WDR12: variants seen among roughly 807,000 people sequenced by gnomAD.
WDR12 encodes the protein ribosome biogenesis protein WDR12.
In WDR12, 42 loss-of-function variants were observed where a neutral mutation model predicts 64.3. The ratio of observed to expected loss-of-function variants is 0.65; its 90% CI spans 0.51 to 0.84. The LOEUF is 0.84. Among genes scored for constraint, WDR12 ranks in the 40% least tolerant of loss-of-function variants. WDR12 has a pLI of 0.00. For missense variants in WDR12, 469 were observed against 494.6 expected, an observed-to-expected ratio of 0.95 and a Z score of 0.49; for synonymous variants, 158 against 173.3, an observed-to-expected ratio of 0.91 and a Z score of 0.70.
At chr2:202,882,339 G>T (rs1479280417) in intron 12 of WDR12, among the ~76,000 whole-genome samples, 1 of 147,962 alleles carries the variant, frequency 6.8e-6, no homozygotes, top group East Asian at 2.0e-4. Context: ...ACTAATAAAT[G>T]TTTTTTTTTT....
In WDR12 at chr2:202,877,776, A is replaced by T. The variant is rs1186205760; in HGVS notation, c.*3084T>A. The T allele has an allele frequency of 6.6e-6, 1 of 152,246 alleles. No homozygotes were observed. The highest frequency in any genetic ancestry group is 1.5e-5 in the Non-Finnish European group (1 of 68,064). 9.4% of individuals were successfully genotyped at this position (152,246 alleles called of 1,614,324 possible). A position where few individuals can be genotyped will look rare whatever the true frequency, so the allele number is the denominator to read the frequency against. On this transcript the variant is annotated 3_prime_UTR_variant, in exon 13 of 13. Transcript: ENST00000261015. ...TAGTACCGGTCAGCAGGTTCTGAGC[A>T]CTGCATTGTCAGGTTCCTAGCTTTT...
intron 6 of WDR12, among the ~76,000 whole-genome samples, chr2:202,895,517 C>CTTTTTTTTTT (rs901435872): frequency 7.2e-5 from 8 of 111,526 alleles, no homozygotes; most frequent in East Asian, 2.5e-4. Flanking sequence ...TCATTTCTTT[C>CTTTTTTTTTT]TTTTTTTTTT....
In WDR12 at chr2:202,897,521, C is replaced by CT. The variant is rs892080061; in HGVS notation, c.339-107dup. On this transcript the variant is annotated intron_variant, in intron 4 of 12. Coordinates refer to ENST00000261015, the MANE Select transcript of WDR12 (RefSeq NM_018256.4). ...ACTTTGAGGATTATACTTTTAAACT[C>CT]TTTTTTGATATGAAGATTGAGATTT... 352 of 534,830 alleles carry CT rather than the reference C, an allele frequency of 6.6e-4. 1 individual carries two copies. The highest frequency in any genetic ancestry group is 1.2e-3 in the Middle Eastern group (3 of 2,584). 33.1% of individuals were successfully genotyped at this position (534,830 alleles called of 1,614,324 possible).
At chr2:202,906,661 C>G (rs538723863) in intron 2 of WDR12, among the ~76,000 whole-genome samples, 1 of 152,038 alleles carries the variant, frequency 6.6e-6, no homozygotes, top group Non-Finnish European at 1.5e-5. Flanking sequence ...GTCAGGAGTT[C>G]GAGACCAGCC....
Position 202,905,736 on chromosome 2 carries a change from G to C in WDR12, c.136+2129C>G, listed in dbSNP as rs374365943. On this transcript the variant is annotated intron_variant, in intron 2 of 12. Coordinates refer to ENST00000261015, the MANE Select transcript of WDR12 (RefSeq NM_018256.4). ...ATTTACAACAACATGGGTAGAATTG[G>C]AGGTCATTATGTTCAGTGAAATAAG... Among the ~76,000 whole-genome samples, 58 of 152,292 alleles carry C rather than the reference G, an allele frequency of 3.8e-4. 1 individual carries two copies. The South Asian group carries it at 7.5e-3, about 20-fold the overall frequency.
Position 202,882,723 on chromosome 2 carries a change from C to T in WDR12, c.1182G>A (p.Trp394Ter). The T allele has an allele frequency of 6.2e-7, 1 of 1,613,928 alleles. No homozygotes were observed. Among genetic ancestry groups the T allele is most frequent in the Non-Finnish European group, 8.5e-7 (1 of 1,179,828 alleles). The change falls in exon 12 of 13, where the codon TGG (tryptophan) becomes TGA (stop). Residue 394 changes from tryptophan (W) to a stop codon, truncating the protein, a stop_gained. Transcript: ENST00000261015. LOFTEE classifies it high-confidence loss of function. ...AATAAATTCTTACCCCTGTGTCTGT[C>T]CAGTCTACACTCAGAACTTTGTCTT... ...AHEDKVLSVD[W>*]TDTGLLLSGG...
chr2:202,877,125 T>G lies in WDR12; in HGVS notation c.*3735A>C, dbSNP rs1045554511. 2.0e-5 allele frequency: 3 copies of G among 148,536 alleles called. No individual in the cohort carries two copies. Among genetic ancestry groups the G allele is most frequent in the South Asian group, 2.1e-4 (1 of 4,720 alleles). 9.2% of individuals were successfully genotyped at this position (148,536 alleles called of 1,614,324 possible). On this transcript the variant is annotated 3_prime_UTR_variant, in exon 13 of 13. Coordinates refer to ENST00000261015, the MANE Select transcript of WDR12 (RefSeq NM_018256.4). ...ATATATATATATATATTTTTTTTTT[T>G]GCAGGGTTGCTTGTTCCATTATATG...
intron 7 of WDR12, among the ~76,000 whole-genome samples, chr2:202,893,588 C>A (rs1273190088): frequency 6.6e-6 from 1 of 152,132 alleles, no homozygotes; most frequent in African/African-American, 2.4e-5. Context: ...TTTTCTTGAT[C>A]CCCCTCAAGT....
chr2:202,897,153 CTTGAACACTGTATTTT>C (rs1688259460), intron 5 of WDR12, 131 bp downstream of exon 5: 13 of 511,750 alleles, frequency 2.5e-5, no homozygotes, highest in Non-Finnish European at 4.5e-5. Flanking sequence ...TCTTTTTCTT[CTTGAACACTGTATTTT>C]TTGAAAGACC....
chr2:202,895,473 TAAG>T (rs1312466231), intron 6 of WDR12, among the ~76,000 whole-genome samples: 1 of 151,742 alleles, frequency 6.6e-6, no homozygotes, highest in African/African-American at 2.4e-5. Context: ...TACTATGAGG[TAAG>T]AAGGTTATAT....
At chr2:202,883,483 A>C in intron 11 of WDR12, 126 bp downstream of exon 11, 1 of 1,200,162 alleles carries the variant, frequency 8.3e-7, no homozygotes, top group East Asian at 2.6e-5. Context: ...AGTATTTGTC[A>C]CATGAGGTTG....
Position 202,875,921 on chromosome 2 carries a change from T to G in WDR12, c.*4939A>C, listed in dbSNP as rs1559156287. The G allele has an allele frequency of 6.6e-6, 1 of 152,220 alleles. No individual in the cohort carries two copies. 9.4% of individuals were successfully genotyped at this position (152,220 alleles called of 1,614,324 possible). A position where few individuals can be genotyped will look rare whatever the true frequency, so the allele number is the denominator to read the frequency against. On this transcript the variant is annotated 3_prime_UTR_variant, in exon 13 of 13. Coordinates refer to ENST00000261015, the MANE Select transcript of WDR12 (RefSeq NM_018256.4). ...TAAAATGCAAATAATTTATTACCTA[T>G]AGAGGATTATTATGGTAGGATATAG... is the stretch of plus-strand genomic sequence containing the variant.
chr2:202,906,338 G>C (rs1688456254), intron 2 of WDR12, among the ~76,000 whole-genome samples: 1 of 152,022 alleles, frequency 6.6e-6, no homozygotes, highest in Non-Finnish European at 1.5e-5. Flanking sequence ...ATTGAATATT[G>C]AACTGTAACT....
At position 202,899,472 on chromosome 2, in the gene WDR12, A is replaced by G. The variant is rs1165072455; in HGVS notation, c.338+59T>C. 4.2e-6 allele frequency: 6 copies of G among 1,444,180 alleles called. No individual in the cohort carries two copies. In the East Asian group the frequency reaches 1.4e-4, roughly 33 times the overall value. 89.5% of individuals were successfully genotyped at this position (1,444,180 alleles called of 1,614,324 possible). A position where few individuals can be genotyped will look rare whatever the true frequency, so the allele number is the denominator to read the frequency against. On this transcript the variant is annotated intron_variant, in intron 4 of 12. Coordinates refer to ENST00000261015, the MANE Select transcript of WDR12 (RefSeq NM_018256.4). The stretch of plus-strand genomic sequence containing the variant: ...AAAAATATGTATATATGGATTTAAA[A>G]AGACTGAAGGAGGTAAAAACAAAAC...
intron 2 of WDR12, 83 bp from the exon 3 acceptor site, chr2:202,901,202 C>G: frequency 1.0e-6 from 1 of 954,338 alleles, no homozygotes; most frequent in Non-Finnish European, 1.5e-6. Flanking sequence ...CCAAAACAAA[C>G]AGGTACCTAT....
At chr2:202,896,005 G>T (rs1293296654) in intron 6 of WDR12, 60 bp downstream of exon 6, 2 of 1,566,728 alleles carry the variant, frequency 1.3e-6, no homozygotes, top group Non-Finnish European at 1.7e-6. Flanking sequence ...AGAAGAAAAT[G>T]TTTAGCAACA....
Position 202,880,735 on chromosome 2 carries a change from TGAAG to T in WDR12, c.*121_*124del. The T allele has an allele frequency of 1.5e-6, 1 of 650,450 alleles. No homozygotes were observed. The highest frequency in any genetic ancestry group is 3.2e-5 in the East Asian group (1 of 31,708). 40.3% of individuals were successfully genotyped at this position (650,450 alleles called of 1,614,324 possible). ...AGAAAAAGTGATACGTTAGCTGTTATGAAGGGTGAAAACATTATATAAACTTCAA... is the reference window on the plus strand; with the variant it reads ...AGAAAAAGTGATACGTTAGCTGTTATGGTGAAAACATTATATAAACTTCAA... On this transcript the variant is annotated 3_prime_UTR_variant, in exon 13 of 13. Transcript: ENST00000261015.
chr2:202,889,318 A>G (rs1688105220), intron 8 of WDR12, among the ~76,000 whole-genome samples: 1 of 152,196 alleles, frequency 6.6e-6, no homozygotes, highest in Non-Finnish European at 1.5e-5. Context: ...TGAATCCAGA[A>G]TACATAAATA....
intron 1 of WDR12, 37 bp downstream of exon 1, chr2:202,911,399 C>G (rs1688639696): frequency 6.2e-7 from 1 of 1,609,234 alleles, no homozygotes; most frequent in Non-Finnish European, 8.5e-7. Flanking sequence ...CGGAAAGGAA[C>G]CTGGGGAAGG....
Sources: allele counts gnomAD v4.1 joint callset (sites outside exome capture counted in the v4.1 genomes callset), GRCh38; gene constraint gnomAD v4.1.1; transcripts MANE v1.5; gene names NCBI Gene and HGNC (gene_info 2026-07-23, HGNC 2026-07-21).